CACUL1: variants seen among roughly 807,000 people sequenced by gnomAD.
CACUL1 encodes the protein CDK2 associated cullin domain 1.
A neutral mutation model predicts 45.2 loss-of-function variants in CACUL1; 13 were observed. The ratio of observed to expected loss-of-function variants is 0.29; its 90% CI spans 0.19 to 0.46. The LOEUF (loss-of-function observed/expected upper bound fraction) is 0.46. Ranked by LOEUF, CACUL1 falls within the 20% of genes least tolerant of loss-of-function variation. The probability of loss-of-function intolerance (pLI) is 1.00; values close to 1 mark genes in which losing one functional copy is unlikely to be tolerated. For synonymous variants in CACUL1, 197 were observed against 174.2 expected, an observed-to-expected ratio of 1.13 and a Z score of -1.03; for missense variants, 421 against 471.4, an observed-to-expected ratio of 0.89 and a Z score of 0.99.
chr10:118,686,218 A>G (rs748117169), intron 8 of CACUL1, 50 bp from the exon 9 acceptor site: 15 of 1,430,290 alleles, frequency 1.0e-5, no homozygotes, highest in Middle Eastern at 1.7e-4. Context: ...ACAGCATTTG[A>G]TAACAGCAGG....
rs1343218543 is a variant in CACUL1 at position 118,751,242 on chromosome 10, TA to T, written c.367+3153del. Among the ~76,000 whole-genome samples, 17 of 152,210 alleles carry T rather than the reference TA, an allele frequency of 1.1e-4. 1 individual carries two copies. Among genetic ancestry groups the T allele is most frequent in the Admixed American group, 1.1e-3 (17 of 15,280 alleles). On this transcript the variant is annotated intron_variant, in intron 1 of 8. Coordinates refer to ENST00000369151, the MANE Select transcript of CACUL1 (RefSeq NM_153810.5). ...ATTTTTTCATCTTTTGCCAAATGAA[TA>T]ATTTTCATATAATCAAAATAATTAA...
chr10:118,740,132 G>C (rs990020535), intron 1 of CACUL1, among the ~76,000 whole-genome samples: 2 of 152,168 alleles, frequency 1.3e-5, no homozygotes, highest in Non-Finnish European at 2.9e-5. Flanking sequence ...GGGCGACAGA[G>C]CGGGACTCTG....
Position 118,754,548 on chromosome 10 carries a change from T to G in CACUL1, c.215A>C (p.Glu72Ala), listed in dbSNP as rs777428994. The change falls in exon 1 of 9, where the codon GAG becomes GCG. Residue 72 changes from glutamate (E) to alanine (A), a missense_variant. Physicochemically the swap from Glu to Ala is moderately radical, Grantham distance 107 (BLOSUM62 -1). Around this residue, in one of 2 missense-constraint regions of CACUL1, gnomAD observed 213 missense variants for 173.1 expected, o/e 1.23. Coordinates refer to ENST00000369151, the MANE Select transcript of CACUL1 (RefSeq NM_153810.5). ...TGGCTGCGGCCCCATCGGGAGCCCC[T>G]CCTTGGGGCCTTTCCTGTCCACGGA... is the stretch of plus-strand genomic sequence containing the variant. ...AVSVDRKGPKEGLPMGPQPPP... is the reference protein window; with the variant it reads ...AVSVDRKGPKAGLPMGPQPPP... The G allele has an allele frequency of 1.2e-6, 2 of 1,612,164 alleles. No individual in the cohort carries two copies. The highest frequency in any genetic ancestry group is 2.2e-5 in the East Asian group (1 of 44,738).
intron 1 of CACUL1, among the ~76,000 whole-genome samples, chr10:118,748,966 G>A (rs1845870699): frequency 6.6e-6 from 1 of 152,128 alleles, no homozygotes; most frequent in Admixed American, 6.5e-5. Context: ...TCAGGAGGAG[G>A]GAGGAAGCAG....
At chr10:118,704,581 AC>A (rs1021539354) in intron 4 of CACUL1, among the ~76,000 whole-genome samples, 3 of 151,470 alleles carry the variant, frequency 2.0e-5, no homozygotes, top group African/African-American at 7.3e-5. Context: ...CCTCTGATTG[AC>A]CCCCACCCTT....
At chr10:118,717,811 G>C (rs1324010129) in intron 3 of CACUL1, among the ~76,000 whole-genome samples, 1 of 152,144 alleles carries the variant, frequency 6.6e-6, no homozygotes, top group Admixed American at 6.5e-5. Flanking sequence ...GTTTCCACTG[G>C]GTCATCAAGA....
intron 1 of CACUL1, among the ~76,000 whole-genome samples, chr10:118,737,865 G>A (rs1845754492): frequency 6.6e-6 from 1 of 152,126 alleles, no homozygotes; most frequent in Admixed American, 6.6e-5. Flanking sequence ...AAGTTCAAGA[G>A]CTATCAAGAC....
chr10:118,731,144 A>G (rs967700860), intron 1 of CACUL1, among the ~76,000 whole-genome samples: 149 of 152,316 alleles, frequency 9.8e-4, no homozygotes, highest in African/African-American at 3.4e-3. Context: ...TCCAGGTAAC[A>G]GTTGCTTCAC....
At chr10:118,735,364 T>C (rs946493142) in intron 1 of CACUL1, among the ~76,000 whole-genome samples, 1 of 152,222 alleles carries the variant, frequency 6.6e-6, no homozygotes, top group Admixed American at 6.5e-5. Flanking sequence ...AGACTGATCA[T>C]TACTTTCTAT....
intron 3 of CACUL1, among the ~76,000 whole-genome samples, chr10:118,718,991 TCAAGAATTATGTCAA>T (rs2119616800): frequency 6.6e-6 from 1 of 152,264 alleles, no homozygotes; most frequent in East Asian, 1.9e-4. Flanking sequence ...CAGCCCACTG[TCAAGAATTATGTCAA>T]CAATTAAACA....
intron 3 of CACUL1, among the ~76,000 whole-genome samples, chr10:118,712,804 G>A (rs1845502016): frequency 6.6e-6 from 1 of 152,218 alleles, no homozygotes; most frequent in Non-Finnish European, 1.5e-5. Context: ...GGTAAGCCCA[G>A]GGCTTTTATG....
At chr10:118,745,744 A>G (rs1375516537) in intron 1 of CACUL1, among the ~76,000 whole-genome samples, 1 of 152,184 alleles carries the variant, frequency 6.6e-6, no homozygotes, top group Non-Finnish European at 1.5e-5. Context: ...TGTCTACAAG[A>G]AATGTACTTT....
At chr10:118,727,528 A>T (rs1232194600) in intron 3 of CACUL1, among the ~76,000 whole-genome samples, 1 of 152,180 alleles carries the variant, frequency 6.6e-6, no homozygotes, top group Non-Finnish European at 1.5e-5. Context: ...AGGCTGTATT[A>T]GTAGGGTGAG....
intron 6 of CACUL1, among the ~76,000 whole-genome samples, chr10:118,692,178 G>A (rs973020619): frequency 1.3e-5 from 2 of 151,900 alleles, no homozygotes; most frequent in African/African-American, 2.4e-5. Context: ...GGGACTGAAC[G>A]TTTAATAAGT....
rs1455372682 is a variant in CACUL1, at chr10:118,684,967, T to C, written c.*1161A>G. On this transcript the variant is annotated 3_prime_UTR_variant, in exon 9 of 9. Transcript: ENST00000369151. ...ACTTTTATGATGGACTAAAAAGCAC[T>C]GTGGATGTGGAGAAACAGAAATATA... The C allele has an allele frequency of 1.3e-5, 2 of 152,250 alleles. No individual in the cohort carries two copies. The highest frequency in any genetic ancestry group is 4.8e-5 in the African/African-American group (2 of 41,476). 9.4% of individuals were successfully genotyped at this position (152,250 alleles called of 1,614,324 possible).
At chr10:118,697,110 T>C (rs528753875) in intron 5 of CACUL1, among the ~76,000 whole-genome samples, 1 of 152,328 alleles carries the variant, frequency 6.6e-6, no homozygotes, top group South Asian at 2.1e-4. Context: ...CTAGTTAATC[T>C]CCCCTTTTAA....
intron 6 of CACUL1, chr10:118,693,813 G>A: frequency 2.3e-6 from 1 of 439,092 alleles, no homozygotes; most frequent in African/African-American, 2.0e-5. Context: ...CTTTATACAA[G>A]TAATTTCTGT....
At chr10:118,721,874 G>C (rs1845603968) in intron 3 of CACUL1, among the ~76,000 whole-genome samples, 1 of 152,076 alleles carries the variant, frequency 6.6e-6, no homozygotes, top group Non-Finnish European at 1.5e-5. Context: ...TACTTGGGGA[G>C]AAAATGCCTC....
chr10:118,726,369 G>C, intron 3 of CACUL1: 1 of 1,273,528 alleles, frequency 7.9e-7, no homozygotes, highest in Non-Finnish European at 1.0e-6. Flanking sequence ...TCAGCATTCA[G>C]CCAGAACACA....
Sources: allele counts gnomAD v4.1 joint callset (sites outside exome capture counted in the v4.1 genomes callset), GRCh38; gene constraint gnomAD v4.1.1; regional missense constraint gnomAD v4.1.1; transcripts MANE v1.5; gene names NCBI Gene and HGNC (gene_info 2026-07-23, HGNC 2026-07-21).